LAMA2: variants seen among roughly 807,000 people sequenced by gnomAD.
LAMA2 encodes laminin subunit alpha 2.
Under a neutral mutation model 364.8 loss-of-function variants are expected in LAMA2, and 269 were observed. The observed-to-expected ratio is 0.74, with a 90% CI of 0.67 to 0.82. The LOEUF is 0.82. Ranked by LOEUF, LAMA2 falls within the 40% of genes least tolerant of loss-of-function variation. The pLI is 0.00. For synonymous variants in LAMA2, 1,379 were observed against 1,370.6 expected (o/e 1.01, Z -0.14); for missense variants, 3,807 against 3,873.2 (o/e 0.98, Z 0.45).
chr6:129,360,509 T>C (rs1003838016), intron 32 of LAMA2, among the ~76,000 whole-genome samples: 2 of 152,178 alleles, frequency 1.3e-5, no homozygotes, highest in African/African-American at 4.8e-5. Context: ...AAAATCCCCA[T>C]GGCTGTCATA....
chr6:129,514,222 T>C, intron 63 of LAMA2, 151 bp from the exon 64 acceptor site: 1 of 689,738 alleles, frequency 1.4e-6, no homozygotes, highest in Non-Finnish European at 2.6e-6. Flanking sequence ...ATTTGTCAAG[T>C]TTTAAAATTT....
At chr6:129,355,831 G>T (rs1777120887) in intron 32 of LAMA2, among the ~76,000 whole-genome samples, 1 of 152,100 alleles carries the variant, frequency 6.6e-6, no homozygotes, top group African/African-American at 2.4e-5. Context: ...CCACATCATG[G>T]ATTTGTGTAT....
At chr6:129,078,933 G>A (rs374230421) in intron 3 of LAMA2, among the ~76,000 whole-genome samples, 6 of 152,134 alleles carry the variant, frequency 3.9e-5, no homozygotes, top group Admixed American at 2.0e-4. Flanking sequence ...TCAACATAGT[G>A]TCTTCGAGAT....
chr6:128,908,940 GC>G, intron 1 of LAMA2, among the ~76,000 whole-genome samples: 2 of 147,608 alleles, frequency 1.4e-5, no homozygotes, highest in Admixed American at 6.7e-5. Flanking sequence ...ATGTAGTTGA[GC>G]AGTTTTGAGT....
chr6:129,390,756 CT>C (rs1253872754), intron 35 of LAMA2, among the ~76,000 whole-genome samples: 2 of 152,052 alleles, frequency 1.3e-5, no homozygotes, highest in Non-Finnish European at 2.9e-5. Context: ...AAATGAAATC[CT>C]GCCCAGAACA....
intron 29 of LAMA2, among the ~76,000 whole-genome samples, chr6:129,330,111 T>G (rs1029022539): frequency 1.3e-5 from 2 of 151,842 alleles, no homozygotes; most frequent in African/African-American, 4.8e-5. Context: ...AAAACAAGCT[T>G]AGGGCTTCCA....
In LAMA2 at chr6:129,478,783, T is replaced by C. The variant is rs1291920721; in HGVS notation, c.7542T>C (p.Tyr2514=). The C allele has an allele frequency of 1.2e-6, 2 of 1,613,304 alleles. No individual in the cohort carries two copies. The highest frequency in any genetic ancestry group is 1.3e-5 in the African/African-American group (1 of 75,008). Residue 2514 remains tyrosine, a synonymous_variant, in exon 54 of 65, where the codon TAT becomes TAC. Transcript: ENST00000421865. ...ACAATATACTCAGTAGTCCCGATTA[T>C]GTTGGTGTTACCAAAGGATGTTCCC... is the stretch of plus-strand genomic sequence containing the variant. ...TPYNILSSPD[Y]VGVTKGCSLE...
At chr6:129,126,818 A>G (rs1242784676) in intron 4 of LAMA2, among the ~76,000 whole-genome samples, 2 of 152,218 alleles carry the variant, frequency 1.3e-5, no homozygotes, top group East Asian at 3.8e-4. Context: ...AGTTGCTCAC[A>G]CCAGCATTTT....
At chr6:129,300,663 A>G (rs1773490430) in intron 21 of LAMA2, 73 bp from the exon 22 acceptor site, 1 of 1,484,214 alleles carries the variant, frequency 6.7e-7, no homozygotes, top group Non-Finnish European at 9.4e-7. Flanking sequence ...CCAACACAAT[A>G]TAAAACTCAA....
rs372354284 is a variant in LAMA2 at position 129,210,043 on chromosome 6, T to C, written c.1782+17190T>C. On this transcript the variant is annotated intron_variant, in intron 12 of 64. Coordinates refer to ENST00000421865, the MANE Select transcript of LAMA2 (RefSeq NM_000426.4). ...AAAAAAAATTTTTACTATTGACCCT[T>C]ACTCTGGATTCACTTATCCAGAAGA... is the stretch of plus-strand genomic sequence containing the variant. Among the ~76,000 whole-genome samples the C allele has an allele frequency of 6.6e-5, 10 of 150,796 alleles. No homozygotes were observed. The East Asian group carries it at 1.9e-3, about 29-fold the overall frequency.
intron 12 of LAMA2, among the ~76,000 whole-genome samples, chr6:129,243,399 A>G (rs1785517175): frequency 1.3e-5 from 2 of 152,094 alleles, no homozygotes; most frequent in Non-Finnish European, 2.9e-5. Flanking sequence ...ACTATAATGA[A>G]TATCTCTTGG....
At chr6:128,905,609 C>T (rs910215269) in intron 1 of LAMA2, 1 of 151,424 alleles carries the variant, frequency 6.6e-6, no homozygotes, top group South Asian at 2.1e-4. Flanking sequence ...TTGTTTTTTT[C>T]GTTTTTTTAT....
chr6:129,330,722 C>G (rs535162503), intron 29 of LAMA2, among the ~76,000 whole-genome samples: 5 of 150,612 alleles, frequency 3.3e-5, no homozygotes, highest in Admixed American at 1.3e-4. Context: ...TTATCTCATG[C>G]TTTCACTGTA....
intron 2 of LAMA2, among the ~76,000 whole-genome samples, chr6:129,052,029 A>G (rs1788086966): frequency 6.6e-6 from 1 of 151,712 alleles, no homozygotes; most frequent in Non-Finnish European, 1.5e-5. Flanking sequence ...AGAGAGAGAG[A>G]GAAAGGAGGT....
At chr6:129,324,285 A>G (rs912403391) in intron 28 of LAMA2, among the ~76,000 whole-genome samples, 5 of 152,224 alleles carry the variant, frequency 3.3e-5, no homozygotes, top group African/African-American at 1.2e-4. Flanking sequence ...CTTTATCTCA[A>G]GTAATCCTCA....
chr6:128,895,139 T>C lies in LAMA2; in HGVS notation c.112+11782T>C, dbSNP rs901280478. 1.0e-3 allele frequency among the ~76,000 whole-genome samples: 153 copies of C among 152,264 alleles called. 3 individuals are homozygous for C. Among genetic ancestry groups the C allele is most frequent in the Middle Eastern group, 3.4e-3 (1 of 294 alleles). Reference sequence around the variant, plus strand: ...GTCTAGGAGAGTGATACCATTTCTTTTTAAGGGGGAAGAAATCCAGAAAAG... The same window carrying C: ...GTCTAGGAGAGTGATACCATTTCTTCTTAAGGGGGAAGAAATCCAGAAAAG... On this transcript the variant is annotated intron_variant, in intron 1 of 64. Coordinates refer to ENST00000421865, the MANE Select transcript of LAMA2 (RefSeq NM_000426.4).
intron 9 of LAMA2, among the ~76,000 whole-genome samples, chr6:129,173,681 A>G (rs915926542): frequency 5.3e-5 from 8 of 152,190 alleles, no homozygotes; most frequent in Non-Finnish European, 8.8e-5. Context: ...AATTGGACAC[A>G]TATTTGTAGG....
intron 8 of LAMA2, chr6:129,158,553 T>C: frequency 1.9e-6 from 3 of 1,614,112 alleles, no homozygotes; most frequent in East Asian, 2.2e-5. Context: ...CAAATCACGA[T>C]TGTAACGACG....
intron 1 of LAMA2, among the ~76,000 whole-genome samples, chr6:128,944,899 T>G (rs2114552558): frequency 6.6e-6 from 1 of 152,252 alleles, no homozygotes; most frequent in South Asian, 2.1e-4. Flanking sequence ...GCTAAACCAC[T>G]TATGAGAAAT....
Sources: allele counts gnomAD v4.1 joint callset (sites outside exome capture counted in the v4.1 genomes callset), GRCh38; gene constraint gnomAD v4.1.1; transcripts MANE v1.5; gene names NCBI Gene and HGNC (gene_info 2026-07-23, HGNC 2026-07-21).